Variants in HCK observed in about 807,000 individuals in gnomAD.
The protein encoded by HCK is tyrosine-protein kinase HCK.
HCK carries 40 observed loss-of-function variants against 70.4 expected under a neutral mutation model. The ratio of observed to expected loss-of-function variants is 0.57; its 90% CI spans 0.44 to 0.74. HCK has a LOEUF of 0.74. HCK is among the 30% of genes least tolerant of loss of function. The pLI is 0.00. For missense variants in HCK, 568 were observed against 697.2 expected (o/e 0.81, Z 2.09); for synonymous variants, 245 against 263.2 (o/e 0.93, Z 0.67).
chr20:32,061,157 T>G (rs146000608), intron 1 of HCK, among the ~76,000 whole-genome samples: 80 of 152,146 alleles, frequency 5.3e-4, no homozygotes, highest in Non-Finnish European at 1.0e-3. Context: ...CTAATTTTTG[T>G]ATTTTTAGTA....
At chr20:32,096,035 A>C (rs1238507126) in intron 11 of HCK, among the ~76,000 whole-genome samples, 1 of 151,756 alleles carries the variant, frequency 6.6e-6, no homozygotes, top group East Asian at 2.0e-4. Context: ...GATTACAAGC[A>C]TGTGCCATCA....
chr20:32,073,459 C>T (rs1161903736), intron 3 of HCK, 98 bp downstream of exon 3: 2 of 1,110,742 alleles, frequency 1.8e-6, no homozygotes. Context: ...AACAGTCAAA[C>T]CCCTGTCGAG....
intron 10 of HCK, among the ~76,000 whole-genome samples, chr20:32,091,264 A>G (rs1018347140): frequency 6.6e-6 from 1 of 152,238 alleles, no homozygotes; most frequent in African/African-American, 2.4e-5. Context: ...CTTGCTCCAG[A>G]AGAAAAGCAA....
intron 11 of HCK, among the ~76,000 whole-genome samples, chr20:32,098,689 C>T (rs937932630): frequency 6.6e-6 from 1 of 152,114 alleles, no homozygotes; most frequent in African/African-American, 2.4e-5. Context: ...CCTTCTGTCC[C>T]CAAAGACCTG....
At chr20:32,087,692 A>T (rs1311610512) in intron 9 of HCK, among the ~76,000 whole-genome samples, 1 of 151,810 alleles carries the variant, frequency 6.6e-6, no homozygotes, top group African/African-American at 2.4e-5. Flanking sequence ...CCCAGGCTGG[A>T]GTGCAGTGGC....
chr20:32,099,287 C>T, intron 12 of HCK, 152 bp downstream of exon 12: 1 of 715,156 alleles, frequency 1.4e-6, no homozygotes. Context: ...CTCCATCCAT[C>T]TAATGTCTTA....
intron 11 of HCK, among the ~76,000 whole-genome samples, chr20:32,096,669 T>G (rs988504505): frequency 6.6e-6 from 1 of 152,096 alleles, no homozygotes; most frequent in Non-Finnish European, 1.5e-5. Context: ...GCCCAGCTAA[T>G]TTTTTAATTA....
chr20:32,054,920 C>T (rs1179585908), intron 1 of HCK, among the ~76,000 whole-genome samples: 2 of 152,126 alleles, frequency 1.3e-5, no homozygotes, highest in African/African-American at 4.8e-5. Context: ...CAAAATCTAC[C>T]CAGGATGAGA....
At chr20:32,068,034 C>T (rs2122510688) in intron 1 of HCK, among the ~76,000 whole-genome samples, 1 of 152,178 alleles carries the variant, frequency 6.6e-6, no homozygotes, top group African/African-American at 2.4e-5. Context: ...CAGTGGCTCA[C>T]ACCTGAAATC....
intron 1 of HCK, among the ~76,000 whole-genome samples, chr20:32,065,210 T>G (rs2045438222): frequency 6.6e-6 from 1 of 152,218 alleles, no homozygotes; most frequent in African/African-American, 2.4e-5. Flanking sequence ...TCTGCTACAT[T>G]GGTGGATCTC....
intron 4 of HCK, 65 bp downstream of exon 4, chr20:32,073,883 G>A (rs1019046512): frequency 4.2e-6 from 4 of 961,440 alleles, no homozygotes; most frequent in Non-Finnish European, 6.5e-6. Flanking sequence ...GTGCTCTTTT[G>A]TGCTTCCATA....
chr20:32,061,936 CT>C (rs557203114), intron 1 of HCK, among the ~76,000 whole-genome samples: 1,738 of 122,024 alleles, frequency 0.014, 21 homozygotes, highest in African/African-American at 0.043. Flanking sequence ...TCTGACTTAC[CT>C]TTTTTTTTTT....
chr20:32,100,714 CA>C (rs1164904649), intron 12 of HCK, among the ~76,000 whole-genome samples: 5 of 151,964 alleles, frequency 3.3e-5, no homozygotes, highest in Non-Finnish European at 7.4e-5. Context: ...TTGAACTGAA[CA>C]AAAAAATGGT....
At chr20:32,071,604 G>A in intron 1 of HCK, 58 bp from the exon 2 acceptor site, 2 of 1,593,010 alleles carry the variant, frequency 1.3e-6, no homozygotes, top group Non-Finnish European at 1.7e-6. Context: ...AGCATCAGAA[G>A]ACTTCCCCGC....
chr20:32,084,659 AT>A (rs2045758275), intron 8 of HCK, 116 bp downstream of exon 8: 1 of 900,700 alleles, frequency 1.1e-6, no homozygotes, highest in African/African-American at 1.7e-5. Context: ...AGAGGGGGAG[AT>A]TTAAATAATA....
At chr20:32,074,785 C>T (rs2045598085) in intron 5 of HCK, 64 bp downstream of exon 5, 2 of 1,137,228 alleles carry the variant, frequency 1.8e-6, no homozygotes, top group South Asian at 2.5e-5. Context: ...GTTTGCAACT[C>T]AGGACGTCTG....
At chr20:32,075,934 T>C (rs945689340) in intron 5 of HCK, among the ~76,000 whole-genome samples, 4 of 152,216 alleles carry the variant, frequency 2.6e-5, no homozygotes, top group Non-Finnish European at 4.4e-5. Flanking sequence ...CATTGTTTTG[T>C]CTCTTCTGCC....
chr20:32,082,205 G>A (rs1458135541), intron 6 of HCK, among the ~76,000 whole-genome samples: 1 of 151,958 alleles, frequency 6.6e-6, no homozygotes, highest in African/African-American at 2.4e-5. Context: ...ACCCCATGAG[G>A]TTATTCATTC....
intron 5 of HCK, among the ~76,000 whole-genome samples, chr20:32,079,207 C>T (rs2045673459): frequency 6.6e-6 from 1 of 152,218 alleles, no homozygotes; most frequent in Non-Finnish European, 1.5e-5. Context: ...TTTCCAATCT[C>T]ACATTGTAGC....
Sources: allele counts gnomAD v4.1 joint callset (sites outside exome capture counted in the v4.1 genomes callset), GRCh38; gene constraint gnomAD v4.1.1; transcripts MANE v1.5; gene names NCBI Gene and HGNC (gene_info 2026-07-23, HGNC 2026-07-21).